Variants in RAB39A observed in about 807,000 individuals in gnomAD.
RAB39A encodes the protein ras-related protein Rab-39A.
Under a neutral mutation model 20.9 loss-of-function variants are expected in RAB39A, and 17 were observed. That is an observed-to-expected ratio of 0.81 (90% confidence interval 0.56 to 1.22). The LOEUF (loss-of-function observed/expected upper bound fraction) is 1.22. RAB39A is among the 50% of genes most tolerant of loss of function. RAB39A has a pLI of 0.00. For synonymous variants in RAB39A, 99 were observed against 103.4 expected, an observed-to-expected ratio of 0.96 and a Z score of 0.26; for missense variants, 234 against 270.5, an observed-to-expected ratio of 0.87 and a Z score of 0.95.
chr11:107,953,792 A>T (rs1156603518), intron 1 of RAB39A, among the ~76,000 whole-genome samples: 2 of 152,154 alleles, frequency 1.3e-5, no homozygotes, highest in African/African-American at 4.8e-5. Context: ...TTGCTCACTA[A>T]TTTAGAATGT....
chr11:107,961,912 T>C (rs1470476975), intron 1 of RAB39A, 34 bp from the exon 2 acceptor site: 6 of 1,517,694 alleles, frequency 4.0e-6, no homozygotes, highest in Non-Finnish European at 4.5e-6. Context: ...GAACAAGTTG[T>C]CCTTATACAA....
intron 1 of RAB39A, among the ~76,000 whole-genome samples, chr11:107,939,625 G>GA (rs1284176955): frequency 0.023 from 3,001 of 129,756 alleles, 119 homozygotes; most frequent in African/African-American, 0.079. Flanking sequence ...AAAAAAAAAA[G>GA]AAAAAAAAAA....
intron 1 of RAB39A, among the ~76,000 whole-genome samples, chr11:107,946,137 T>C (rs1382250904): frequency 6.7e-6 from 1 of 149,884 alleles, no homozygotes; most frequent in Admixed American, 6.7e-5. Flanking sequence ...AGGAAATTTG[T>C]CATGTGAAAC....
intron 1 of RAB39A, among the ~76,000 whole-genome samples, chr11:107,938,308 C>T (rs1175779015): frequency 3.6e-5 from 5 of 139,252 alleles, no homozygotes; most frequent in East Asian, 2.1e-4. Context: ...TGCAGTGAGC[C>T]GAGATCACGC....
intron 1 of RAB39A, among the ~76,000 whole-genome samples, chr11:107,959,827 G>C (rs1356945648): frequency 1.3e-5 from 2 of 152,192 alleles, no homozygotes; most frequent in Non-Finnish European, 2.9e-5. Context: ...AGTCAGATGA[G>C]TTTGCTAAAA....
Position 107,928,656 on chromosome 11 carries a change from C to G in RAB39A, c.88C>G (p.Gln30Glu), listed in dbSNP as rs1430047212. ...GKSCLLHRFT[Q>E]GRFPGLRSPA... ...GTCCTGCCTCCTGCACCGCTTCACCCAGGGCCGCTTCCCCGGGCTGCGCTC... is the reference window on the plus strand; with the variant it reads ...GTCCTGCCTCCTGCACCGCTTCACCGAGGGCCGCTTCCCCGGGCTGCGCTC... The change falls in exon 1 of 2, where the codon CAG becomes GAG. Residue 30 changes from glutamine to glutamate, a missense_variant. By Grantham distance (29) the Gln-to-Glu change is conservative. Coordinates refer to ENST00000320578, the MANE Select transcript of RAB39A (RefSeq NM_017516.3). The surrounding 1 kb of genome is among the most constrained non-coding windows in gnomAD (Gnocchi z 4.9). 3.1e-6 allele frequency: 5 copies of G among 1,612,632 alleles called. No homozygotes were observed. Among genetic ancestry groups the G allele is most frequent in the Non-Finnish European group, 4.2e-6 (5 of 1,179,158 alleles).
intron 1 of RAB39A, among the ~76,000 whole-genome samples, chr11:107,943,121 T>C (rs1426340916): frequency 1.3e-5 from 2 of 152,226 alleles, no homozygotes; most frequent in African/African-American, 4.8e-5. Context: ...GAGAAACTTC[T>C]GTGAAATGGT....
chr11:107,954,476 C>T (rs539352046), intron 1 of RAB39A, among the ~76,000 whole-genome samples: 69 of 152,260 alleles, frequency 4.5e-4, no homozygotes, highest in African/African-American at 1.5e-3. Flanking sequence ...CCAAACCCTT[C>T]GCGTCTGCTC....
At chr11:107,940,553 T>C (rs938867448) in intron 1 of RAB39A, among the ~76,000 whole-genome samples, 3 of 152,102 alleles carry the variant, frequency 2.0e-5, no homozygotes, top group Non-Finnish European at 4.4e-5. Flanking sequence ...TGCGAGCCTG[T>C]TTTAATTATC....
intron 1 of RAB39A, among the ~76,000 whole-genome samples, chr11:107,947,924 T>C (rs1372840815): frequency 6.7e-6 from 1 of 150,276 alleles, no homozygotes; most frequent in Non-Finnish European, 1.5e-5. Flanking sequence ...AAATATTACC[T>C]CATGTAGCTT....
chr11:107,941,661 C>T (rs1861260362), intron 1 of RAB39A, among the ~76,000 whole-genome samples: 1 of 152,054 alleles, frequency 6.6e-6, no homozygotes, highest in African/African-American at 2.4e-5. Flanking sequence ...ATGAGAATCA[C>T]TAGTAAATCT....
chr11:107,963,091 G>GTTT lies in RAB39A; in HGVS notation c.*720_*721insTTT, dbSNP rs1861516687. The GTTT allele has an allele frequency of 6.6e-6, 1 of 151,812 alleles. No homozygotes were observed. The highest frequency in any genetic ancestry group is 1.5e-5 in the Non-Finnish European group (1 of 67,958). 9.4% of individuals were successfully genotyped at this position (151,812 alleles called of 1,614,324 possible). On this transcript the variant is annotated 3_prime_UTR_variant, in exon 2 of 2. Coordinates refer to ENST00000320578, the MANE Select transcript of RAB39A (RefSeq NM_017516.3). The stretch of plus-strand genomic sequence containing the variant: ...TGTTGCTTTTTTTTTTTGAGACAGG[G>GTTT]TCTTGTTTTGTCACCCAGGCTGGAG...
At chr11:107,947,235 G>A (rs1259792960) in intron 1 of RAB39A, among the ~76,000 whole-genome samples, 1 of 151,944 alleles carries the variant, frequency 6.6e-6, no homozygotes, top group Non-Finnish European at 1.5e-5. Context: ...CCGAGTAGCT[G>A]GGACTACAGG....
intron 1 of RAB39A, among the ~76,000 whole-genome samples, chr11:107,946,325 TACACACACACAC>T (rs57242917): frequency 2.3e-5 from 2 of 87,294 alleles, no homozygotes; most frequent in Admixed American, 1.1e-4. Context: ...TATATATATA[TACACACACACAC>T]ACACACATAT....
Position 107,946,396 on chromosome 11 carries a change from A to ATGTGTGTGTG in RAB39A, c.228-15518_228-15509dup, listed in dbSNP as rs71047654. On this transcript the variant is annotated intron_variant, in intron 1 of 1. Coordinates refer to ENST00000320578, the MANE Select transcript of RAB39A (RefSeq NM_017516.3). ...CACACATATATATGTGGGTGTATATATGTGTGTGTGTGTGTGTGTGTGTGT... is the reference window on the plus strand; with the variant it reads ...CACACATATATATGTGGGTGTATATATGTGTGTGTGTGTGTGTGTGTGTGTGTGTGTGTGT... Among the ~76,000 whole-genome samples the ATGTGTGTGTG allele has an allele frequency of 2.8e-3, 105 of 37,606 alleles. 2 individuals are homozygous for ATGTGTGTGTG. The highest frequency in any genetic ancestry group is 9.6e-3 in the African/African-American group (79 of 8,224). 24.7% of individuals were successfully genotyped at this position (37,606 alleles called of 152,430 possible).
At chr11:107,956,416 G>A (rs1861437198) in intron 1 of RAB39A, among the ~76,000 whole-genome samples, 1 of 152,168 alleles carries the variant, frequency 6.6e-6, no homozygotes, top group African/African-American at 2.4e-5. Flanking sequence ...TCCAGAAAGA[G>A]GAAAGGAGGG....
chr11:107,960,898 C>G (rs12224968), intron 1 of RAB39A, among the ~76,000 whole-genome samples: 44,076 of 152,024 alleles, frequency 0.29, 7,479 homozygotes, highest in Admixed American at 0.45. Context: ...CCAGCGCCTC[C>G]CATTGGCTGA....
At chr11:107,932,080 C>G (rs1591239827) in intron 1 of RAB39A, among the ~76,000 whole-genome samples, 1 of 152,074 alleles carries the variant, frequency 6.6e-6, no homozygotes, top group East Asian at 1.9e-4. Context: ...CCAGGTTGGT[C>G]TGAAACTCCT....
intron 1 of RAB39A, among the ~76,000 whole-genome samples, chr11:107,935,224 T>G (rs2134950730): frequency 6.6e-6 from 1 of 152,184 alleles, no homozygotes; most frequent in African/African-American, 2.4e-5. Flanking sequence ...GAAAGTAAAG[T>G]GGTGAAAGAA....
Sources: allele counts gnomAD v4.1 joint callset (sites outside exome capture counted in the v4.1 genomes callset), GRCh38; gene constraint gnomAD v4.1.1; non-coding constraint Gnocchi (gnomAD v3.1); transcripts MANE v1.5; gene names NCBI Gene and HGNC (gene_info 2026-07-23, HGNC 2026-07-21).